MYBBP1A: variants seen among roughly 807,000 people sequenced by gnomAD.
MYBBP1A encodes myb-binding protein 1A.
Under a neutral mutation model 136.3 loss-of-function variants are expected in MYBBP1A, and 147 were observed. The ratio of observed to expected loss-of-function variants is 1.08; its 90% CI spans 0.94 to 1.24. The LOEUF (loss-of-function observed/expected upper bound fraction) is 1.24, where lower values mean the gene tolerates loss of function less well. Among genes scored for constraint, MYBBP1A ranks in the 50% most tolerant of loss-of-function variants. The probability of loss-of-function intolerance (pLI) is 0.00; values close to 1 mark genes in which losing one functional copy is unlikely to be tolerated. For missense variants in MYBBP1A, 2,060 were observed against 1,727.4 expected, an observed-to-expected ratio of 1.19 and a Z score of -3.41; for synonymous variants, 947 against 735.8, an observed-to-expected ratio of 1.29 and a Z score of -4.65.
Position 4,545,907 on chromosome 17 carries a change from G to A in MYBBP1A, c.1860C>T (p.Ile620=), listed in dbSNP as rs771938138. ...CCAGACTTTTCCTGATGCAGGTCTG[G>A]ATGTCACCCAGCAGGTCACAGCTCT... ...PAESCDLLGD[I]QTCIRKSLGE... Residue 620 remains isoleucine (I), a synonymous_variant, in exon 14 of 26, where the codon ATC becomes ATT. Transcript: ENST00000254718. 6.2e-7 allele frequency: 1 copy of A among 1,613,356 alleles called. No homozygotes were observed. Among genetic ancestry groups the A allele is most frequent in the South Asian group, 1.1e-5 (1 of 91,056 alleles).
chr17:4,553,617 AAAGTC>A (rs1907735525), intron 5 of MYBBP1A, among the ~76,000 whole-genome samples, 188 bp downstream of exon 5: 1 of 152,230 alleles, frequency 6.6e-6, no homozygotes, highest in African/African-American at 2.4e-5. Flanking sequence ...TATACCAGAT[AAAGTC>A]AAATGTCACT....
rs1907517695 is a variant in MYBBP1A, at chr17:4,551,680, G to A, written c.1023+200C>T. Among the ~76,000 whole-genome samples the A allele has an allele frequency of 2.6e-5, 4 of 152,118 alleles. No individual in the cohort carries two copies. In the South Asian group the frequency reaches 8.3e-4, roughly 31 times the overall value. ...GCCAAGATCTCACCACTGCGCTCCA[G>A]CCTGGGCGACAAGAGCAAAACTTCA... On this transcript the variant is annotated intron_variant, in intron 8 of 25. Coordinates refer to ENST00000254718, the MANE Select transcript of MYBBP1A (RefSeq NM_014520.4).
rs147753940 is a variant in MYBBP1A, at chr17:4,550,127, G to C, written c.1250C>G (p.Pro417Arg). The change falls in exon 9 of 26, where the codon CCA (proline) becomes CGA (arginine). Residue 417 changes from proline to arginine, a missense_variant. Pro to Arg is a moderately radical substitution (Grantham distance 103, BLOSUM62 -2). Coordinates refer to ENST00000254718, the MANE Select transcript of MYBBP1A (RefSeq NM_014520.4). Reference protein sequence around the residue: ...VAWLRAMFLQPDLDSLVDFST... With the variant: ...VAWLRAMFLQRDLDSLVDFST... Reference sequence around the variant, plus strand: ...GAAGTCAACCAAGGAGTCCAGGTCTGGCTGGAGAAACATGGCCCGCAGCCA... The same window carrying C: ...GAAGTCAACCAAGGAGTCCAGGTCTCGCTGGAGAAACATGGCCCGCAGCCA... 107 of 1,613,942 alleles carry C rather than the reference G, an allele frequency of 6.6e-5. No homozygotes were observed. Among genetic ancestry groups the C allele is most frequent in the Non-Finnish European group, 8.5e-6 (10 of 1,180,048 alleles).
intron 19 of MYBBP1A, among the ~76,000 whole-genome samples, chr17:4,544,104 T>C (rs1012663801): frequency 6.6e-6 from 1 of 152,060 alleles, no homozygotes; most frequent in African/African-American, 2.4e-5. Flanking sequence ...CTCCGAGGAC[T>C]GGGTTGGGTG....
At chr17:4,549,992 C>T (rs1907359551) in intron 9 of MYBBP1A, 66 bp downstream of exon 9, 9 of 1,525,180 alleles carry the variant, frequency 5.9e-6, no homozygotes, top group South Asian at 1.3e-5. Context: ...GGGCTTGGGT[C>T]GCGGGGCTCT....
chr17:4,550,144 C>T lies in MYBBP1A; in HGVS notation c.1233G>A (p.Arg411=), dbSNP rs76192846. ...CCAGGTCTGGCTGGAGAAACATGGC[C>T]CGCAGCCAGGCCACATAGCCCTGCA... The part of the protein sequence containing the change: ...PALQGYVAWL[R]AMFLQPDLDS... The change falls in exon 9 of 26, where the codon CGG becomes CGA. Residue 411 remains arginine, a synonymous_variant. Transcript: ENST00000254718. 2,031 of 1,613,966 alleles carry T rather than the reference C, an allele frequency of 1.3e-3. 26 individuals are homozygous for T. The African/African-American group carries it at 0.023, about 19-fold the overall frequency.
Position 4,539,126 on chromosome 17 carries a change from C to T in MYBBP1A, c.*289G>A. 4 of 1,493,306 alleles carry T rather than the reference C, an allele frequency of 2.7e-6. No homozygotes were observed. Among genetic ancestry groups the T allele is most frequent in the Non-Finnish European group, 3.5e-6 (4 of 1,128,064 alleles). 92.5% of individuals were successfully genotyped at this position (1,493,306 alleles called of 1,614,324 possible). A position where few individuals can be genotyped will look rare whatever the true frequency, so the allele number is the denominator to read the frequency against. ...TCACACCTGCCTGCAGCCAGCACAT[C>T]AACCTGCACCAACCCAGGCAAACAC... On this transcript the variant is annotated 3_prime_UTR_variant, in exon 26 of 26. Coordinates refer to ENST00000254718, the MANE Select transcript of MYBBP1A (RefSeq NM_014520.4).
chr17:4,548,542 A>AAAAC lies in MYBBP1A; in HGVS notation c.1537_1538insGTTT (p.Val513GlyfsTer104), dbSNP rs1907209043. 1.9e-6 allele frequency: 3 copies of AAAAC among 1,613,996 alleles called. No individual in the cohort carries two copies. The highest frequency in any genetic ancestry group is 2.5e-6 in the Non-Finnish European group (3 of 1,180,032). On this transcript the variant is annotated frameshift_variant, in exon 11 of 26. Transcript: ENST00000254718. LOFTEE classifies it high-confidence loss of function. This position sits in a 1 kb window ranked among gnomAD's most constrained non-coding sequence, Gnocchi z 4.2. ...GACTCACCTGAAGAAGGCACTGCTGACAGCCTCTCGGGCCTGGTTTTCCAA... is the reference window on the plus strand; with the variant it reads ...GACTCACCTGAAGAAGGCACTGCTGAAAACCAGCCTCTCGGGCCTGGTTTTCCAA...
chr17:4,554,836 G>A, intron 2 of MYBBP1A, 25 bp downstream of exon 2: 1 of 1,609,660 alleles, frequency 6.2e-7, no homozygotes, highest in Non-Finnish European at 8.5e-7. Flanking sequence ...GGATGGCTGG[G>A]ACCCTGCCAG....
In MYBBP1A at chr17:4,539,487, G is replaced by A. The variant is rs1906144513; in HGVS notation, c.3915C>T (p.Val1305=). Residue 1305 remains valine (V), a synonymous_variant, in exon 26 of 26, where the codon GTC becomes GTT. Coordinates refer to ENST00000254718, the MANE Select transcript of MYBBP1A (RefSeq NM_014520.4). ...TCTGAAGCAGGCTGGGACTCCTGAT[G>A]ACCAAAGACAGCCTTGCCTTTTTCC... ...LARKKARLSL[V]IRSPSLLQSG... 1 of 1,614,154 alleles carries A rather than the reference G, an allele frequency of 6.2e-7. No individual in the cohort carries two copies. Among genetic ancestry groups the A allele is most frequent in the Non-Finnish European group, 8.5e-7 (1 of 1,180,018 alleles).
chr17:4,550,010 T>TAGGA (rs1167243067), intron 9 of MYBBP1A, 48 bp downstream of exon 9: 3 of 1,563,172 alleles, frequency 1.9e-6, no homozygotes, highest in Admixed American at 3.6e-5. Context: ...TCTGCAGGCC[T>TAGGA]AGGAAGTTAA....
At position 4,540,061 on chromosome 17, in the gene MYBBP1A, CTGAGGCCCCTAGGTTCTG is replaced by C. The variant is rs1247894248; in HGVS notation, c.3435-112_3435-95del. On this transcript the variant is annotated intron_variant, in intron 25 of 25. Coordinates refer to ENST00000254718, the MANE Select transcript of MYBBP1A (RefSeq NM_014520.4). ...CCTCCACCTGGATTCTGAGGGTCCT[CTGAGGCCCCTAGGTTCTG>C]TGAGGCCCCTATGAGGGTCCCGTGA... 100 of 1,428,810 alleles carry C rather than the reference CTGAGGCCCCTAGGTTCTG, an allele frequency of 7.0e-5. No individual in the cohort carries two copies. The South Asian group carries it at 7.8e-4, about 11-fold the overall frequency. The allele number at this position is 1,428,810 out of a possible 1,614,324, so 88.5% of individuals were successfully genotyped here. A position where few individuals can be genotyped will look rare whatever the true frequency, so the allele number is the denominator to read the frequency against.
Position 4,545,363 on chromosome 17 carries a change from C to A in MYBBP1A, c.2074-18G>T, listed in dbSNP as rs758146860. The A allele has an allele frequency of 6.2e-7, 1 of 1,612,492 alleles. No individual in the cohort carries two copies. Among genetic ancestry groups the A allele is most frequent in the Non-Finnish European group, 8.5e-7 (1 of 1,179,638 alleles). On this transcript the variant is annotated intron_variant, in intron 15 of 25. Transcript: ENST00000254718. ...TTCAGCACCTGGGGAGGGGTGCCAG[C>A]CACTGACCCATTTGCAGCCCCCGCC... is the stretch of plus-strand genomic sequence containing the variant.
At chr17:4,542,374 G>A in intron 22 of MYBBP1A, 90 bp downstream of exon 22, 1 of 1,416,952 alleles carries the variant, frequency 7.1e-7, no homozygotes, top group Non-Finnish European at 9.7e-7. Flanking sequence ...CACCAGGACA[G>A]CGCTCTGGGG....
intron 8 of MYBBP1A, 102 bp from the exon 9 acceptor site, chr17:4,550,455 A>C: frequency 1.5e-6 from 2 of 1,366,702 alleles, no homozygotes; most frequent in South Asian, 2.7e-5. Context: ...CAACAGCCCA[A>C]CAGCCCGGGG....
chr17:4,545,581 A>G, intron 15 of MYBBP1A, 29 bp downstream of exon 15: 2 of 1,553,602 alleles, frequency 1.3e-6, no homozygotes, highest in Non-Finnish European at 1.7e-6. Context: ...GCCCCAGCCC[A>G]CATTCCACTC....
At chr17:4,542,126 T>C (rs1478604883) in intron 22 of MYBBP1A, 10 of 588,004 alleles carry the variant, frequency 1.7e-5, no homozygotes, top group South Asian at 8.4e-5. Context: ...CTGCCCATTA[T>C]TGGCTTAGTG....
Position 4,553,913 on chromosome 17 carries a change from T to TG in MYBBP1A, c.457dup (p.Gln153ProfsTer61), listed in dbSNP as rs1452384541. On this transcript the variant is annotated frameshift_variant, in exon 5 of 26. Transcript: ENST00000254718. LOFTEE classifies it high-confidence loss of function. ...CTTCACCGACTTCATCAGTGCCTCCTGGTCCTGGTCCCCACAGAGGGACAG... is the reference window on the plus strand; with the variant it reads ...CTTCACCGACTTCATCAGTGCCTCCTGGGTCCTGGTCCCCACAGAGGGACAG... The TG allele has an allele frequency of 6.2e-7, 1 of 1,614,028 alleles. No individual in the cohort carries two copies. Among genetic ancestry groups the TG allele is most frequent in the East Asian group, 2.2e-5 (1 of 44,876 alleles).
In MYBBP1A at chr17:4,544,924, G is replaced by A; in HGVS notation, c.2311-3C>T. The A allele has an allele frequency of 6.3e-7, 1 of 1,596,628 alleles. No homozygotes were observed. The highest frequency in any genetic ancestry group is 8.5e-7 in the Non-Finnish European group (1 of 1,170,242). ...TCGTTCTCACTGTCCTCTCCACCCT[G>A]AGGGACAGAGGCCCAGCGGTCAGCC... On this transcript the variant is annotated splice_polypyrimidine_tract_variant and splice_region_variant and intron_variant, in intron 17 of 25. Coordinates refer to ENST00000254718, the MANE Select transcript of MYBBP1A (RefSeq NM_014520.4).
Sources: gnomAD v4.1 joint callset for allele counts (sites outside exome capture counted in the v4.1 genomes callset) on GRCh38, gnomAD v4.1.1 for gene constraint, Gnocchi (gnomAD v3.1) non-coding constraint, MANE v1.5 for transcripts, NCBI Gene and HGNC (gene_info 2026-07-23, HGNC 2026-07-21) for gene names.